PLGRKT: variants seen among roughly 807,000 people sequenced by gnomAD.
PLGRKT encodes the protein plasminogen receptor (KT).
A neutral mutation model predicts 18.5 loss-of-function variants in PLGRKT; 22 were observed. That is an observed-to-expected ratio of 1.19 (90% CI 0.85 to 1.70). The LOEUF (loss-of-function observed/expected upper bound fraction) is 1.70, where lower values mean the gene tolerates loss of function less well. Among genes scored for constraint, PLGRKT ranks in the 40% most tolerant of loss-of-function variants. The pLI is 0.00. For missense variants in PLGRKT, 235 were observed against 174.4 expected, an observed-to-expected ratio of 1.35 and a Z score of -1.96; for synonymous variants, 72 against 52.8, an observed-to-expected ratio of 1.36 and a Z score of -1.58.
chr9:5,364,099 T>C (rs781295809), intron 3 of PLGRKT, among the ~76,000 whole-genome samples: 1 of 152,224 alleles, frequency 6.6e-6, no homozygotes, highest in Non-Finnish European at 1.5e-5. Flanking sequence ...AAACCTTTGC[T>C]GCACATCATG....
At chr9:5,390,665 T>G (rs898186085) in intron 3 of PLGRKT, among the ~76,000 whole-genome samples, 1 of 151,826 alleles carries the variant, frequency 6.6e-6, no homozygotes, top group African/African-American at 2.4e-5. Context: ...ATCTCAACCA[T>G]GGCATTCCTC....
chr9:5,411,320 G>A (rs557494949), intron 3 of PLGRKT, among the ~76,000 whole-genome samples: 10 of 151,476 alleles, frequency 6.6e-5, no homozygotes, highest in Non-Finnish European at 1.2e-4. Flanking sequence ...GGGAGGCAGA[G>A]GTTGCAGCGA....
At chr9:5,378,989 C>T (rs1817684982) in intron 3 of PLGRKT, among the ~76,000 whole-genome samples, 1 of 151,978 alleles carries the variant, frequency 6.6e-6, no homozygotes, top group Admixed American at 6.6e-5. Context: ...GTTGAAATCA[C>T]ATAGGCCATA....
chr9:5,358,402 A>G (rs1817186132), intron 5 of PLGRKT, 42 bp from the exon 6 acceptor site: 2 of 1,601,058 alleles, frequency 1.2e-6, no homozygotes, highest in Non-Finnish European at 1.7e-6. Context: ...CAAAGGGGTC[A>G]TCAGCAATTT....
intron 3 of PLGRKT, among the ~76,000 whole-genome samples, chr9:5,401,011 T>C (rs527841352): frequency 1.7e-4 from 26 of 151,926 alleles, no homozygotes; most frequent in Admixed American, 4.6e-4. Context: ...GATCTTAAGA[T>C]AGTTGGCTTA....
At chr9:5,387,667 TG>T (rs200654182) in intron 3 of PLGRKT, among the ~76,000 whole-genome samples, 1 of 129,148 alleles carries the variant, frequency 7.7e-6, no homozygotes, top group Admixed American at 7.6e-5. Flanking sequence ...GGAAGCCTCC[TG>T]CGGGGGGGCT....
chr9:5,372,535 G>A (rs1817542051), intron 3 of PLGRKT, among the ~76,000 whole-genome samples: 1 of 152,206 alleles, frequency 6.6e-6, no homozygotes, highest in Non-Finnish European at 1.5e-5. Flanking sequence ...CAGGAATGAT[G>A]CAGCCATTCT....
intron 3 of PLGRKT, among the ~76,000 whole-genome samples, chr9:5,382,317 T>G (rs934874946): frequency 1.3e-5 from 2 of 152,132 alleles, no homozygotes; most frequent in African/African-American, 2.4e-5. Flanking sequence ...CAGGGCATTA[T>G]GAAAGTGCAT....
chr9:5,361,020 G>C, intron 5 of PLGRKT, 58 bp downstream of exon 5: 1 of 908,658 alleles, frequency 1.1e-6, no homozygotes. Flanking sequence ...CTAAGGCAGG[G>C]ATCCTTGAAA....
chr9:5,427,460 GAT>G (rs1818725354), intron 3 of PLGRKT, among the ~76,000 whole-genome samples: 1 of 152,106 alleles, frequency 6.6e-6, no homozygotes, highest in South Asian at 2.1e-4. Flanking sequence ...TCTACAGTAC[GAT>G]ATTTTAAGAA....
intron 3 of PLGRKT, among the ~76,000 whole-genome samples, chr9:5,377,004 T>C (rs1817641425): frequency 6.6e-6 from 1 of 152,148 alleles, no homozygotes; most frequent in Non-Finnish European, 1.5e-5. Flanking sequence ...AGAAATAAAA[T>C]CCCTTAAGCC....
At chr9:5,375,964 G>A (rs1586708395) in intron 3 of PLGRKT, among the ~76,000 whole-genome samples, 2 of 152,118 alleles carry the variant, frequency 1.3e-5, no homozygotes, top group Admixed American at 6.6e-5. Context: ...GCATATCAAC[G>A]GATGACTCGG....
chr9:5,371,986 C>CTTTTTTTTATTTTTTTTTTT (rs1817527459), intron 3 of PLGRKT, among the ~76,000 whole-genome samples: 1 of 89,152 alleles, frequency 1.1e-5, no homozygotes, highest in Non-Finnish European at 2.1e-5. Flanking sequence ...TCAGAAAATC[C>CTTTTTTTTATTTTTTTTTTT]TTTTTTTTTT....
Position 5,418,436 on chromosome 9 carries a change from G to C in PLGRKT, c.81+13461C>G. 1.1e-6 allele frequency: 1 copy of C among 937,290 alleles called. No homozygotes were observed. The highest frequency in any genetic ancestry group is 1.7e-6 in the Non-Finnish European group (1 of 571,924). 58.1% of individuals were successfully genotyped at this position (937,290 alleles called of 1,614,324 possible). A position where few individuals can be genotyped will look rare whatever the true frequency, so the allele number is the denominator to read the frequency against. On this transcript the variant is annotated intron_variant, in intron 3 of 5. Transcript: ENST00000223864. This position sits in a 1 kb window ranked among gnomAD's most constrained non-coding sequence, Gnocchi z 4.2. ...ATGTTATGGAGCACGATGCTGAGGAGGAAGACCAAGACGCAAGCCACCAAG... is the reference window on the plus strand; with the variant it reads ...ATGTTATGGAGCACGATGCTGAGGACGAAGACCAAGACGCAAGCCACCAAG...
chr9:5,370,157 T>C (rs1817485795), intron 3 of PLGRKT, among the ~76,000 whole-genome samples: 1 of 152,070 alleles, frequency 6.6e-6, no homozygotes, highest in African/African-American at 2.4e-5. Flanking sequence ...AGGAACCACA[T>C]TCTAAACACA....
At chr9:5,406,189 A>G (rs1458801537) in intron 3 of PLGRKT, among the ~76,000 whole-genome samples, 2 of 152,342 alleles carry the variant, frequency 1.3e-5, no homozygotes, top group Non-Finnish European at 2.9e-5. Context: ...ACCTTTGTGG[A>G]AGACAGTATG....
At chr9:5,372,957 T>A (rs1817550699) in intron 3 of PLGRKT, among the ~76,000 whole-genome samples, 1 of 152,156 alleles carries the variant, frequency 6.6e-6, no homozygotes, top group African/African-American at 2.4e-5. Flanking sequence ...AAGTGACAGA[T>A]CTGGAATTCA....
rs1586743783 is a variant in PLGRKT at position 5,424,787 on chromosome 9, C to T, written c.81+7110G>A. ...CCCGGGCTGGTCCCAAACTCCTGGG[C>T]TTAAGTGATCCTCCTCCCAAGTAGC... On this transcript the variant is annotated intron_variant, in intron 3 of 5. Transcript: ENST00000223864. Among the ~76,000 whole-genome samples, 2 of 148,862 alleles carry T rather than the reference C, an allele frequency of 1.3e-5. 1 individual carries two copies. The highest frequency in any genetic ancestry group is 6.9e-3 in the Middle Eastern group (2 of 290).
chr9:5,376,308 G>A (rs971634022), intron 3 of PLGRKT, among the ~76,000 whole-genome samples: 4 of 152,134 alleles, frequency 2.6e-5, no homozygotes, highest in African/African-American at 4.8e-5. Flanking sequence ...AGGGAGAGGC[G>A]CAGTGAAGGG....
Sources: gnomAD v4.1 joint callset for allele counts (sites outside exome capture counted in the v4.1 genomes callset) on GRCh38, gnomAD v4.1.1 for gene constraint, Gnocchi (gnomAD v3.1) non-coding constraint, MANE v1.5 for transcripts, NCBI Gene and HGNC (gene_info 2026-07-23, HGNC 2026-07-21) for gene names.